The following RAPH1 variants were observed in gnomAD, a reference collection of about 807,000 sequenced individuals.
The protein encoded by RAPH1 is Ras association (RalGDS/AF-6) and pleckstrin homology domains 1.
RAPH1 carries 18 observed loss-of-function variants against 88.1 expected under a neutral mutation model. The observed-to-expected ratio is 0.20, with a 90% CI of 0.14 to 0.30. The LOEUF (loss-of-function observed/expected upper bound fraction) is 0.30, where lower values mean the gene tolerates loss of function less well. Ranked by LOEUF, RAPH1 falls within the 10% of genes least tolerant of loss-of-function variation. The pLI, the probability that RAPH1 is intolerant of heterozygous loss-of-function variation, is 1.00. For missense variants in RAPH1, 1,448 were observed against 1,543.2 expected (o/e 0.94, Z 1.03); for synonymous variants, 587 against 559.0 (o/e 1.05, Z -0.71).
At chr2:203,532,265 G>A (rs914789404) in intron 1 of RAPH1, among the ~76,000 whole-genome samples, 1 of 152,180 alleles carries the variant, frequency 6.6e-6, no homozygotes, top group African/African-American at 2.4e-5. Flanking sequence ...ACTGTGGCTT[G>A]TAGAATTACT....
intron 4 of RAPH1, among the ~76,000 whole-genome samples, chr2:203,463,201 CAA>C (rs71007520): frequency 0.1 from 11,659 of 114,436 alleles, 767 homozygotes; most frequent in African/African-American, 0.22. Flanking sequence ...GACTCCATCT[CAA>C]AAAAAAAAAA....
chr2:203,513,467 G>A (rs1689453305), intron 1 of RAPH1, among the ~76,000 whole-genome samples: 1 of 113,880 alleles, frequency 8.8e-6, no homozygotes, highest in Admixed American at 1.2e-4. Context: ...CCATTCTCCT[G>A]CCTCAGCCTC....
chr2:203,461,331 T>A lies in RAPH1; in HGVS notation c.888A>T (p.Val296=), dbSNP rs1292857502. 1 of 1,611,234 alleles carries A rather than the reference T, an allele frequency of 6.2e-7. No individual in the cohort carries two copies. Residue 296 remains valine (V), a synonymous_variant, in exon 6 of 14, where the codon GTA becomes GTT. Coordinates refer to ENST00000319170, the MANE Select transcript of RAPH1 (RefSeq NM_213589.3). ...MVDERQTVRQ[V]LDNLMDKSHC... Reference sequence around the variant, plus strand: ...GGGATTTGTCCATCAGGTTATCCAGTACTTGTCTTACTGTCTGCCTCTCAT... The same window carrying A: ...GGGATTTGTCCATCAGGTTATCCAGAACTTGTCTTACTGTCTGCCTCTCAT...
intron 2 of RAPH1, among the ~76,000 whole-genome samples, chr2:203,494,162 T>C (rs1297230903): frequency 1.3e-5 from 2 of 152,158 alleles, no homozygotes; most frequent in African/African-American, 4.8e-5. Context: ...AGCTTCCACC[T>C]TGCCCACTTT....
At chr2:203,462,447 A>C (rs1340576526) in intron 4 of RAPH1, among the ~76,000 whole-genome samples, 1 of 152,234 alleles carries the variant, frequency 6.6e-6, no homozygotes, top group Admixed American at 6.5e-5. Context: ...CCTTTAAAAA[A>C]TAAAAATGTA....
At chr2:203,483,595 T>G (rs1029678095) in intron 4 of RAPH1, among the ~76,000 whole-genome samples, 1 of 152,180 alleles carries the variant, frequency 6.6e-6, no homozygotes, top group African/African-American at 2.4e-5. Context: ...ATCAACTTCA[T>G]TGGATTAAGG....
In RAPH1 at chr2:203,441,257, G is replaced by C. The variant is rs754902360; in HGVS notation, c.1933C>G (p.Pro645Ala). The C allele has an allele frequency of 1.2e-5, 16 of 1,370,048 alleles. No homozygotes were observed. The highest frequency in any genetic ancestry group is 1.5e-5 in the Non-Finnish European group (15 of 1,005,362). The allele number at this position is 1,370,048 out of a possible 1,614,324, so 84.9% of individuals were successfully genotyped here. The change falls in exon 14 of 14, where the codon CCT (proline) becomes GCT (alanine). Residue 645 changes from proline (P) to alanine (A), a missense_variant. Physicochemically the swap from Pro to Ala is conservative, Grantham distance 27. Coordinates refer to ENST00000319170, the MANE Select transcript of RAPH1 (RefSeq NM_213589.3). ...GACTGGCTGGGGAGTGGGGGAGGAGGGGGTGGTGGAGGGGGTGGTGGAGGA... is the reference window on the plus strand; with the variant it reads ...GACTGGCTGGGGAGTGGGGGAGGAGCGGGTGGTGGAGGGGGTGGTGGAGGA... Reference protein sequence around the residue: ...PPPPPPPPPPPPPPLPSQSAP... With the variant: ...PPPPPPPPPPAPPPLPSQSAP...
chr2:203,465,202 T>C (rs575423354), intron 4 of RAPH1, among the ~76,000 whole-genome samples: 88 of 152,350 alleles, frequency 5.8e-4, no homozygotes, highest in Middle Eastern at 3.4e-3. Flanking sequence ...TGGATGTTTA[T>C]AGCAACCTTA....
At chr2:203,455,683 G>A (rs913021979) in intron 8 of RAPH1, 103 bp from the exon 9 acceptor site, 14 of 1,126,822 alleles carry the variant, frequency 1.2e-5, no homozygotes, top group Non-Finnish European at 1.7e-5. Flanking sequence ...AACCAAAATG[G>A]TTTTATATTA....
chr2:203,439,323 C>A lies in RAPH1; in HGVS notation c.*114G>T. The A allele has an allele frequency of 1.1e-6, 1 of 937,008 alleles. No individual in the cohort carries two copies. Among genetic ancestry groups the A allele is most frequent in the Admixed American group, 2.1e-5 (1 of 47,544 alleles). 58.0% of individuals were successfully genotyped at this position (937,008 alleles called of 1,614,324 possible). On this transcript the variant is annotated 3_prime_UTR_variant, in exon 14 of 14. Transcript: ENST00000319170. ...ACACACACATACACATATAGCTGGA[C>A]ACTACCTGAATAACATCATACCAGG...
intron 1 of RAPH1, among the ~76,000 whole-genome samples, chr2:203,534,754 T>A (rs1402760134): frequency 1.3e-5 from 2 of 152,050 alleles, no homozygotes; most frequent in Non-Finnish European, 2.9e-5. Flanking sequence ...CGGGGGAAAG[T>A]CCTTTCCTCC....
intron 1 of RAPH1, among the ~76,000 whole-genome samples, chr2:203,496,083 C>T (rs557856080): frequency 2.6e-5 from 4 of 152,298 alleles, no homozygotes; most frequent in South Asian, 4.1e-4. Flanking sequence ...TGTGGCTGGG[C>T]GTGGTGGCTC....
intron 1 of RAPH1, among the ~76,000 whole-genome samples, chr2:203,509,866 C>T (rs1689256985): frequency 6.6e-6 from 1 of 152,122 alleles, no homozygotes; most frequent in East Asian, 1.9e-4. Context: ...GGCACCTCCC[C>T]CCTACTCTTG....
chr2:203,438,232 T>C lies in RAPH1; in HGVS notation c.*1205A>G, dbSNP rs2098500066. 2 of 514,816 alleles carry C rather than the reference T, an allele frequency of 3.9e-6. No individual in the cohort carries two copies. The highest frequency in any genetic ancestry group is 2.0e-5 in the Admixed American group (1 of 50,932). The allele number at this position is 514,816 out of a possible 1,614,324, so 31.9% of individuals were successfully genotyped here. On this transcript the variant is annotated 3_prime_UTR_variant, in exon 14 of 14. Coordinates refer to ENST00000319170, the MANE Select transcript of RAPH1 (RefSeq NM_213589.3). Reference sequence around the variant, plus strand: ...GAAACTGTCTTCCCTCTCCATGTAGTCCCATACTTAATGAGCTTTTTGTAT... The same window carrying C: ...GAAACTGTCTTCCCTCTCCATGTAGCCCCATACTTAATGAGCTTTTTGTAT...
chr2:203,463,233 T>C (rs2098525605), intron 4 of RAPH1, among the ~76,000 whole-genome samples: 3 of 151,598 alleles, frequency 2.0e-5, no homozygotes. Context: ...AAATGGAAAC[T>C]TCCACCTTAA....
intron 2 of RAPH1, among the ~76,000 whole-genome samples, chr2:203,494,202 C>T (rs1688409981): frequency 6.6e-6 from 1 of 151,972 alleles, no homozygotes; most frequent in Non-Finnish European, 1.5e-5. Flanking sequence ...AATCTCATAC[C>T]TACGCAATTT....
intron 4 of RAPH1, among the ~76,000 whole-genome samples, chr2:203,486,626 G>A (rs927780845): frequency 5.3e-5 from 8 of 152,186 alleles, no homozygotes; most frequent in African/African-American, 1.9e-4. Flanking sequence ...TATGTGAGTA[G>A]AGGATAGTTT....
intron 7 of RAPH1, among the ~76,000 whole-genome samples, chr2:203,458,042 A>T (rs2098521203): frequency 6.6e-6 from 1 of 152,114 alleles, no homozygotes; most frequent in African/African-American, 2.4e-5. Flanking sequence ...TCTGGGACTC[A>T]TTTATTAATA....
At chr2:203,490,205 TTAAG>T (rs1688197344) in intron 3 of RAPH1, 116 bp from the exon 4 acceptor site, 14 of 1,050,114 alleles carry the variant, frequency 1.3e-5, no homozygotes, top group Non-Finnish European at 1.9e-5. Context: ...GCAAATAAAA[TTAAG>T]TATTTCTGGT....
Sources: allele counts gnomAD v4.1 joint callset (sites outside exome capture counted in the v4.1 genomes callset), GRCh38; gene constraint gnomAD v4.1.1; transcripts MANE v1.5; gene names NCBI Gene and HGNC (gene_info 2026-07-23, HGNC 2026-07-21).